Variants in WWOX observed in about 807,000 individuals in gnomAD.
WWOX encodes WW domain-containing oxidoreductase.
Under a neutral mutation model 46.2 loss-of-function variants are expected in WWOX, and 69 were observed. The observed-to-expected ratio is 1.49, with a 90% confidence interval of 1.23 to 1.82. The LOEUF (loss-of-function observed/expected upper bound fraction) is 1.82. Ranked by LOEUF, WWOX falls within the 40% of genes most tolerant of loss-of-function variation. The pLI is 0.00. For missense variants in WWOX, 919 were observed against 542.6 expected (o/e 1.69, Z -6.89); for synonymous variants, 359 against 202.6 (o/e 1.77, Z -6.56).
chr16:78,593,504 C>G (rs1597319603), intron 8 of WWOX, among the ~76,000 whole-genome samples: 1 of 152,282 alleles, frequency 6.6e-6, no homozygotes, highest in East Asian at 1.9e-4. Flanking sequence ...GGGCACATGA[C>G]CCAGGTCAGA....
chr16:78,328,664 G>T (rs1381169985), intron 5 of WWOX, among the ~76,000 whole-genome samples: 2 of 152,150 alleles, frequency 1.3e-5, no homozygotes, highest in Non-Finnish European at 2.9e-5. Context: ...AGAGAGAACA[G>T]AAATACTCTT....
intron 8 of WWOX, among the ~76,000 whole-genome samples, chr16:78,958,133 ACTTG>A (rs1361539938): frequency 1.3e-5 from 2 of 152,162 alleles, no homozygotes; most frequent in African/African-American, 4.8e-5. Flanking sequence ...TTGTTCCTTA[ACTTG>A]CTCATCATTC....
chr16:79,093,351 T>A (rs2049003136), intron 8 of WWOX, among the ~76,000 whole-genome samples: 1 of 152,178 alleles, frequency 6.6e-6, no homozygotes, highest in Admixed American at 6.5e-5. Context: ...TTATTTAAAT[T>A]TTCTCATTTT....
At chr16:79,079,983 G>T (rs1597355514) in intron 8 of WWOX, among the ~76,000 whole-genome samples, 2 of 152,074 alleles carry the variant, frequency 1.3e-5, no homozygotes, top group Non-Finnish European at 2.9e-5. Context: ...TATTCTACGG[G>T]TATTTGTTGA....
chr16:78,261,986 A>C (rs2079254282), intron 5 of WWOX, among the ~76,000 whole-genome samples: 1 of 150,962 alleles, frequency 6.6e-6, no homozygotes, highest in Non-Finnish European at 1.5e-5. Flanking sequence ...GTAGGGCTTT[A>C]AGAAAGCAAG....
chr16:78,377,302 C>G (rs1473600193), intron 5 of WWOX, among the ~76,000 whole-genome samples: 2 of 152,146 alleles, frequency 1.3e-5, no homozygotes, highest in East Asian at 3.8e-4. Flanking sequence ...CTAGAGCAGT[C>G]AAAAGTAATG....
At chr16:78,873,826 G>C (rs2044177847) in intron 8 of WWOX, among the ~76,000 whole-genome samples, 1 of 151,886 alleles carries the variant, frequency 6.6e-6, no homozygotes, top group Admixed American at 6.6e-5. Context: ...GAGATATTTG[G>C]AAGGCTATGT....
In WWOX at chr16:78,342,104, A is replaced by T. The variant is rs1416496081; in HGVS notation, c.517-44756A>T. 1.6e-5 allele frequency among the ~76,000 whole-genome samples: 2 copies of T among 121,490 alleles called. 1 individual carries two copies. The highest frequency in any genetic ancestry group is 3.9e-5 in the Non-Finnish European group (2 of 50,864). 79.7% of individuals were successfully genotyped at this position (121,490 alleles called of 152,430 possible). ...GCACTCTAATTTAGGCAGCAGAATG[A>T]GACTATGTCTCAAGAAAATGTTCAA... On this transcript the variant is annotated intron_variant, in intron 5 of 8. Coordinates refer to ENST00000566780, the MANE Select transcript of WWOX (RefSeq NM_016373.4).
chr16:78,295,390 A>G (rs999465149), intron 5 of WWOX, among the ~76,000 whole-genome samples: 3 of 152,082 alleles, frequency 2.0e-5, no homozygotes, highest in African/African-American at 7.2e-5. Flanking sequence ...TATCTCCAAC[A>G]CTGGCTGTTT....
chr16:78,484,420 TC>T (rs1301729737), intron 8 of WWOX, among the ~76,000 whole-genome samples: 2 of 152,326 alleles, frequency 1.3e-5, no homozygotes, highest in East Asian at 3.9e-4. Context: ...GTCGATATAC[TC>T]TGTAACTTGT....
intron 5 of WWOX, among the ~76,000 whole-genome samples, chr16:78,242,643 C>T (rs766776150): frequency 3.9e-5 from 6 of 152,108 alleles, no homozygotes; most frequent in Non-Finnish European, 5.9e-5. Flanking sequence ...CCTGCTCTCC[C>T]GAGCCTTCTC....
chr16:78,544,322 C>G (rs1278341463), intron 8 of WWOX, among the ~76,000 whole-genome samples: 1 of 152,180 alleles, frequency 6.6e-6, no homozygotes, highest in East Asian at 1.9e-4. Flanking sequence ...ATAATACAAT[C>G]ATAGTTACCA....
At chr16:78,631,136 C>T (rs758625218) in intron 8 of WWOX, among the ~76,000 whole-genome samples, 1 of 152,170 alleles carries the variant, frequency 6.6e-6, no homozygotes, top group African/African-American at 2.4e-5. Flanking sequence ...ATGTTAGGGA[C>T]TTGAGCATTT....
chr16:78,716,217 A>C (rs78441813), intron 8 of WWOX, among the ~76,000 whole-genome samples: 1 of 151,978 alleles, frequency 6.6e-6, no homozygotes, highest in African/African-American at 2.4e-5. Context: ...GTGTAGAGGC[A>C]GAGGCAGAGA....
intron 5 of WWOX, among the ~76,000 whole-genome samples, chr16:78,231,041 C>G (rs1050667750): frequency 2.0e-5 from 3 of 152,176 alleles, no homozygotes; most frequent in African/African-American, 7.2e-5. Flanking sequence ...TTGGCAATGC[C>G]AAGAGAGCAG....
intron 8 of WWOX, among the ~76,000 whole-genome samples, chr16:78,905,372 G>C (rs539767772): frequency 8.5e-5 from 13 of 152,278 alleles, no homozygotes; most frequent in African/African-American, 3.1e-4. Flanking sequence ...ATGGACGCTT[G>C]GAAGAATTCT....
chr16:78,340,407 C>T (rs1218593687), intron 5 of WWOX, among the ~76,000 whole-genome samples: 2 of 119,684 alleles, frequency 1.7e-5, no homozygotes, highest in South Asian at 5.1e-4. Context: ...GAAGTGTTTA[C>T]CCTGTTGGCC....
intron 8 of WWOX, among the ~76,000 whole-genome samples, chr16:78,978,654 G>A (rs533874486): frequency 6.6e-6 from 1 of 152,268 alleles, no homozygotes; most frequent in South Asian, 2.1e-4. Context: ...ATGGCAGAAG[G>A]TAAAGGGGAA....
chr16:78,870,784 T>C (rs2044110587), intron 8 of WWOX, among the ~76,000 whole-genome samples: 1 of 152,200 alleles, frequency 6.6e-6, no homozygotes, highest in African/African-American at 2.4e-5. Context: ...TGTATTTTAG[T>C]AGAGACGGGT....
Sources: gnomAD v4.1 joint callset for allele counts (sites outside exome capture counted in the v4.1 genomes callset) on GRCh38, gnomAD v4.1.1 for gene constraint, MANE v1.5 for transcripts, NCBI Gene and HGNC (gene_info 2026-07-23, HGNC 2026-07-21) for gene names.